The following ERI1 variants were observed in gnomAD, a reference collection of about 807,000 sequenced individuals.
ERI1 encodes the protein exoribonuclease 1.
In ERI1, 39 loss-of-function variants were observed where a neutral mutation model predicts 39.7. The ratio of observed to expected loss-of-function variants is 0.98; its 90% CI spans 0.76 to 1.28. The LOEUF (loss-of-function observed/expected upper bound fraction) is 1.28, where lower values mean the gene tolerates loss of function less well. ERI1 is among the 50% of genes most tolerant of loss of function. The pLI, the probability that ERI1 is intolerant of heterozygous loss-of-function variation, is 0.00. For missense variants in ERI1, 581 were observed against 416.9 expected (o/e 1.39, Z -3.43); for synonymous variants, 204 against 149.6 (o/e 1.36, Z -2.65).
intron 3 of ERI1, among the ~76,000 whole-genome samples, chr8:9,051,454 C>T (rs896215366): frequency 6.6e-6 from 1 of 152,068 alleles, no homozygotes; most frequent in Admixed American, 6.6e-5. Flanking sequence ...GTCAGGAGTT[C>T]GAGAACAGCC....
At chr8:9,036,949 C>G (rs972684650), downstream of ERI1, among the ~76,000 whole-genome samples, 1 of 152,120 alleles carries the variant, frequency 6.6e-6, no homozygotes, top group Non-Finnish European at 1.5e-5. Context: ...AACTCATAGT[C>G]CCTCCCTCCC....
chr8:9,070,725 C>T (rs1489993390), intron 3 of ERI1, among the ~76,000 whole-genome samples: 1 of 152,102 alleles, frequency 6.6e-6, no homozygotes, highest in East Asian at 1.9e-4. Context: ...GAACATTTGG[C>T]GTCTGAAAGA....
At chr8:9,028,768 C>T (rs542903405) in intron 6 of ERI1, among the ~76,000 whole-genome samples, 14 of 151,698 alleles carry the variant, frequency 9.2e-5, no homozygotes, top group Non-Finnish European at 1.3e-4. Context: ...GGATTACAGG[C>T]GCACGCCACC....
downstream of ERI1, among the ~76,000 whole-genome samples, chr8:9,033,761 T>C (rs2117325159): frequency 6.6e-6 from 1 of 152,300 alleles, no homozygotes; most frequent in South Asian, 2.1e-4. Flanking sequence ...GCTTGAGCCT[T>C]GCTCTTTATC....
intron 3 of ERI1, among the ~76,000 whole-genome samples, chr8:9,041,480 C>G (rs904683301): frequency 1.3e-5 from 2 of 152,166 alleles, no homozygotes; most frequent in African/African-American, 4.8e-5. Flanking sequence ...GAAATTGTAT[C>G]AAACATCTTA....
At chr8:9,029,699 C>T (rs765333500) in intron 6 of ERI1, 93 bp from the exon 7 acceptor site, 4 of 1,452,842 alleles carry the variant, frequency 2.8e-6, no homozygotes, top group African/African-American at 1.4e-5. Flanking sequence ...GCTGTTAGTG[C>T]TAATTTTCAG....
chr8:9,050,237 G>C (rs538740930), intron 3 of ERI1, among the ~76,000 whole-genome samples: 26 of 152,272 alleles, frequency 1.7e-4, no homozygotes, highest in Middle Eastern at 3.4e-3. Flanking sequence ...GCTGGGCGCA[G>C]TGCCTCACAC....
intron 3 of ERI1, among the ~76,000 whole-genome samples, chr8:9,085,131 A>G (rs549484420): frequency 1.3e-5 from 2 of 152,282 alleles, no homozygotes; most frequent in East Asian, 3.9e-4. Context: ...GGTGATTTAC[A>G]TCAGCAAATT....
At chr8:9,080,828 G>A (rs914797288) in intron 3 of ERI1, among the ~76,000 whole-genome samples, 12 of 152,154 alleles carry the variant, frequency 7.9e-5, no homozygotes, top group Admixed American at 2.0e-4. Context: ...GGGCAGCGGT[G>A]CAAAGAATGG....
At position 9,008,258 on chromosome 8, in the gene ERI1, A is replaced by T. The variant is rs143822179; in HGVS notation, c.287+110A>T. ...TCTGTAATCCTACCGTAATGACATGATCCTATTAACAGTTCACAAAAACTA... is the reference window on the plus strand; with the variant it reads ...TCTGTAATCCTACCGTAATGACATGTTCCTATTAACAGTTCACAAAAACTA... On this transcript the variant is annotated intron_variant, in intron 2 of 6. Coordinates refer to ENST00000250263, the MANE Select transcript of ERI1 (RefSeq NM_153332.4). The T allele has an allele frequency of 3.5e-3, 3,428 of 989,940 alleles. 13 individuals carry two copies. The highest frequency in any genetic ancestry group is 0.016 in the Middle Eastern group (48 of 3,008). 61.3% of individuals were successfully genotyped at this position (989,940 alleles called of 1,614,324 possible).
chr8:9,095,719 C>T (rs1267927032), intron 3 of ERI1, among the ~76,000 whole-genome samples: 1 of 152,034 alleles, frequency 6.6e-6, no homozygotes, highest in Non-Finnish European at 1.5e-5. Context: ...TGGGGTTTCA[C>T]CATGTTGCCC....
intron 3 of ERI1, among the ~76,000 whole-genome samples, chr8:9,072,922 C>T (rs146438240): frequency 7.9e-5 from 12 of 152,324 alleles, no homozygotes; most frequent in African/African-American, 2.6e-4. Flanking sequence ...CAACACCTGC[C>T]GGGATGCGTC....
rs932559860 is a variant in ERI1 at position 9,002,913 on chromosome 8, G to A, written c.-151G>A. 8.3e-6 allele frequency: 4 copies of A among 479,770 alleles called. No individual in the cohort carries two copies. Among genetic ancestry groups the A allele is most frequent in the Non-Finnish European group, 1.3e-5 (4 of 301,768 alleles). 29.7% of individuals were successfully genotyped at this position (479,770 alleles called of 1,614,324 possible). A position where few individuals can be genotyped will look rare whatever the true frequency, so the allele number is the denominator to read the frequency against. On this transcript the variant is annotated 5_prime_UTR_variant, in exon 1 of 7. Transcript: ENST00000250263. The stretch of plus-strand genomic sequence containing the variant: ...GTGGACGCCACACGCTCCCGGAAGT[G>A]GGAGGTGGCCGCTGGAGTTTGTGTG...
intron 3 of ERI1, among the ~76,000 whole-genome samples, chr8:9,092,288 A>C (rs1799732079): frequency 1.3e-5 from 2 of 152,080 alleles, no homozygotes. Context: ...GCATCCCCAC[A>C]GTGTGAAGGA....
chr8:9,097,155 C>T (rs1799903212), intron 3 of ERI1, among the ~76,000 whole-genome samples: 1 of 152,124 alleles, frequency 6.6e-6, no homozygotes, highest in South Asian at 2.1e-4. Flanking sequence ...TGTGCCTCCC[C>T]ATGAAGCCTT....
At chr8:9,015,739 A>AAAAAAAAAAAAG (rs10704637) in intron 3 of ERI1, among the ~76,000 whole-genome samples, 13 of 150,272 alleles carry the variant, frequency 8.7e-5, no homozygotes, top group African/African-American at 3.2e-4. Context: ...AAAAAAAAAA[A>AAAAAAAAAAAAG]AAGAGACCAT....
chr8:9,084,747 C>T (rs1397741012), intron 3 of ERI1, among the ~76,000 whole-genome samples: 2 of 152,128 alleles, frequency 1.3e-5, no homozygotes, highest in Non-Finnish European at 1.5e-5. Context: ...ATTAATAAAG[C>T]CCTTCCTTTA....
At chr8:9,036,778 GTGATGGCAGAT>G (rs1381351275), downstream of ERI1, among the ~76,000 whole-genome samples, 4 of 152,152 alleles carry the variant, frequency 2.6e-5, no homozygotes, top group African/African-American at 9.7e-5. Flanking sequence ...ACCATCACTG[GTGATGGCAGAT>G]TGATGGAGGG....
At chr8:9,076,890 G>C (rs1034359958) in intron 3 of ERI1, among the ~76,000 whole-genome samples, 1 of 152,234 alleles carries the variant, frequency 6.6e-6, no homozygotes, top group South Asian at 2.1e-4. Flanking sequence ...CTGGGGCAGA[G>C]TTGATGATTT....
Sources: gnomAD v4.1 joint callset for allele counts (sites outside exome capture counted in the v4.1 genomes callset) on GRCh38, gnomAD v4.1.1 for gene constraint, MANE v1.5 for transcripts, NCBI Gene and HGNC (gene_info 2026-07-23, HGNC 2026-07-21) for gene names.